NRG3: variants seen among roughly 807,000 people sequenced by gnomAD.
NRG3 encodes the protein neuregulin 3, also known as pro-neuregulin-3, membrane-bound isoform.
In NRG3, 31 loss-of-function variants were observed where a neutral mutation model predicts 66.9. The observed-to-expected ratio is 0.46, with a 90% CI of 0.35 to 0.63. The LOEUF is 0.63. NRG3 is among the 20% of genes least tolerant of loss of function. The pLI is 0.00. For synonymous variants in NRG3, 393 were observed against 359.4 expected (o/e 1.09, Z -1.06); for missense variants, 910 against 878.9 (o/e 1.04, Z -0.45).
At chr10:82,970,773 G>C (rs1480621644) in intron 6 of NRG3, among the ~76,000 whole-genome samples, 2 of 151,950 alleles carry the variant, frequency 1.3e-5, no homozygotes, top group Non-Finnish European at 2.9e-5. Context: ...TTTTGTCCTG[G>C]TAACAAATGT....
chr10:82,196,868 C>T (rs1437754980), intron 1 of NRG3, among the ~76,000 whole-genome samples: 4 of 152,114 alleles, frequency 2.6e-5, no homozygotes, highest in East Asian at 1.9e-4. Context: ...CTGTAGTCCT[C>T]GGTAGAAAGC....
intron 4 of NRG3, among the ~76,000 whole-genome samples, chr10:82,897,133 G>A (rs1009864559): frequency 4.6e-5 from 7 of 152,188 alleles, no homozygotes; most frequent in African/African-American, 1.7e-4. Flanking sequence ...GACTTAAAAT[G>A]TAACTAAATG....
At chr10:82,777,713 G>A (rs995777929) in intron 3 of NRG3, among the ~76,000 whole-genome samples, 4 of 152,168 alleles carry the variant, frequency 2.6e-5, no homozygotes, top group Admixed American at 1.3e-4. Flanking sequence ...TGGAAGCAGT[G>A]GAGGACAGAG....
chr10:82,005,097 C>T (rs929948575), intron 1 of NRG3, among the ~76,000 whole-genome samples: 2 of 152,206 alleles, frequency 1.3e-5, no homozygotes, highest in African/African-American at 4.8e-5. Flanking sequence ...AGATAAATGA[C>T]TGACCGAAGG....
intron 1 of NRG3, among the ~76,000 whole-genome samples, chr10:81,885,920 A>T (rs1175787173): frequency 6.6e-6 from 1 of 152,138 alleles, no homozygotes; most frequent in East Asian, 1.9e-4. Flanking sequence ...GGGCTGTAGA[A>T]ATGTTTATAT....
intron 1 of NRG3, among the ~76,000 whole-genome samples, chr10:82,240,163 A>G (rs1292936370): frequency 2.6e-5 from 4 of 152,136 alleles, no homozygotes; most frequent in Admixed American, 6.5e-5. Flanking sequence ...AGTTAAAGAA[A>G]AAATAACTCT....
At chr10:82,790,964 T>C (rs1172374230) in intron 3 of NRG3, among the ~76,000 whole-genome samples, 8 of 151,742 alleles carry the variant, frequency 5.3e-5, no homozygotes, top group Non-Finnish European at 1.0e-4. Flanking sequence ...ATTCTCTGTT[T>C]AAGGTATTAT....
chr10:81,897,589 A>G (rs1843640586), intron 1 of NRG3, among the ~76,000 whole-genome samples: 1 of 151,750 alleles, frequency 6.6e-6, no homozygotes, highest in Non-Finnish European at 1.5e-5. Context: ...AGGGTAGAGC[A>G]ATGAGTTGGA....
chr10:82,464,716 A>G (rs1032402760), intron 2 of NRG3, among the ~76,000 whole-genome samples: 1 of 152,222 alleles, frequency 6.6e-6, no homozygotes, highest in African/African-American at 2.4e-5. Context: ...ATGCACAATG[A>G]GAGAGGAAAT....
At chr10:82,696,293 C>G (rs1264024875) in intron 2 of NRG3, among the ~76,000 whole-genome samples, 1 of 152,080 alleles carries the variant, frequency 6.6e-6, no homozygotes, top group Non-Finnish European at 1.5e-5. Context: ...GAAACTTTTC[C>G]TATTATACCA....
chr10:82,956,288 A>C (rs1850042984), intron 5 of NRG3, among the ~76,000 whole-genome samples: 1 of 151,990 alleles, frequency 6.6e-6, no homozygotes, highest in African/African-American at 2.4e-5. Flanking sequence ...TAGTATTCCC[A>C]TGTGCAAGGC....
intron 3 of NRG3, among the ~76,000 whole-genome samples, chr10:82,755,090 A>C (rs975063589): frequency 6.6e-6 from 1 of 152,152 alleles, no homozygotes; most frequent in Non-Finnish European, 1.5e-5. Flanking sequence ...GTGGGGAGAT[A>C]TATCTCAGGA....
intron 2 of NRG3, among the ~76,000 whole-genome samples, chr10:82,551,569 A>G (rs2044306129): frequency 1.3e-5 from 2 of 151,170 alleles, no homozygotes; most frequent in Admixed American, 6.6e-5. Context: ...TGATAAAGGT[A>G]TCAAGGTCTA....
At chr10:82,112,971 C>T (rs892145638) in intron 1 of NRG3, among the ~76,000 whole-genome samples, 1 of 152,114 alleles carries the variant, frequency 6.6e-6, no homozygotes, top group South Asian at 2.1e-4. Flanking sequence ...TCTTCTCCCC[C>T]ACACTGCTCC....
At chr10:82,145,445 C>T (rs1199987322) in intron 1 of NRG3, among the ~76,000 whole-genome samples, 1 of 152,114 alleles carries the variant, frequency 6.6e-6, no homozygotes, top group Non-Finnish European at 1.5e-5. Flanking sequence ...TATCAAAGCT[C>T]ATGTGTTCTC....
chr10:82,561,637 A>G (rs1359745067), intron 2 of NRG3, among the ~76,000 whole-genome samples: 3 of 152,050 alleles, frequency 2.0e-5, no homozygotes, highest in African/African-American at 7.2e-5. Context: ...TGGGTTTTGT[A>G]TTTCTTCCCA....
At chr10:82,655,594 T>G (rs1312643245) in intron 2 of NRG3, among the ~76,000 whole-genome samples, 1 of 152,174 alleles carries the variant, frequency 6.6e-6, no homozygotes, top group Non-Finnish European at 1.5e-5. Context: ...ACAAATTTAG[T>G]AAAAACTGCA....
chr10:82,026,877 C>T (rs2062337192), intron 1 of NRG3, among the ~76,000 whole-genome samples: 1 of 151,822 alleles, frequency 6.6e-6, no homozygotes, highest in South Asian at 2.1e-4. Context: ...CTGTTGTTCC[C>T]AAGCAGAAAG....
At chr10:82,820,119 G>T (rs1385807650) in intron 3 of NRG3, among the ~76,000 whole-genome samples, 1 of 152,144 alleles carries the variant, frequency 6.6e-6, no homozygotes, top group Non-Finnish European at 1.5e-5. Flanking sequence ...GAGAGGTTTG[G>T]ATAGCAGAGA....
Sources: allele counts gnomAD v4.1 joint callset (sites outside exome capture counted in the v4.1 genomes callset), GRCh38; gene constraint gnomAD v4.1.1; transcripts MANE v1.5; gene names NCBI Gene and HGNC (gene_info 2026-07-23, HGNC 2026-07-21).